ADAMTSL3: variants seen among roughly 807,000 people sequenced by gnomAD.
The protein encoded by ADAMTSL3 is ADAMTS like 3.
ADAMTSL3 carries 128 observed loss-of-function variants against 201.7 expected under a neutral mutation model. The ratio of observed to expected loss-of-function variants is 0.63; its 90% CI spans 0.55 to 0.73. The LOEUF (loss-of-function observed/expected upper bound fraction) is 0.73, where lower values mean the gene tolerates loss of function less well. Among genes scored for constraint, ADAMTSL3 ranks in the 30% least tolerant of loss-of-function variants. The pLI is 0.00. For missense variants in ADAMTSL3, 1,990 were observed against 2,119.6 expected, an observed-to-expected ratio of 0.94 and a Z score of 1.20; for synonymous variants, 738 against 748.4, an observed-to-expected ratio of 0.99 and a Z score of 0.23.
chr15:83,825,490 A>C lies in ADAMTSL3; in HGVS notation c.600+5443A>C, dbSNP rs770202844. Among the ~76,000 whole-genome samples, 8 of 152,066 alleles carry C rather than the reference A, an allele frequency of 5.3e-5. No homozygotes were observed. The South Asian group carries it at 6.2e-4, about 12-fold the overall frequency. On this transcript the variant is annotated intron_variant, in intron 6 of 29. Coordinates refer to ENST00000286744, the MANE Select transcript of ADAMTSL3 (RefSeq NM_207517.3). ...TAGCTGGGTGTGTTGGCGCAAGCCT[A>C]TGGTCCTAGCTACTTGCTACTCAGG...
intron 23 of ADAMTSL3, among the ~76,000 whole-genome samples, chr15:84,011,747 A>G (rs1211474756): frequency 6.6e-6 from 1 of 152,250 alleles, no homozygotes; most frequent in Non-Finnish European, 1.5e-5. Context: ...GTTCAGTAAG[A>G]TGACTAGAAA....
At chr15:83,971,329 G>A (rs889586477) in intron 20 of ADAMTSL3, among the ~76,000 whole-genome samples, 28 of 152,190 alleles carry the variant, frequency 1.8e-4, no homozygotes, top group African/African-American at 6.5e-4. Flanking sequence ...AGACTGAGGT[G>A]GGTGGATCAT....
intron 2 of ADAMTSL3, among the ~76,000 whole-genome samples, chr15:83,668,891 T>A (rs959609130): frequency 1.3e-5 from 2 of 152,184 alleles, no homozygotes; most frequent in Non-Finnish European, 1.5e-5. Context: ...TTTTTTTTCT[T>A]GGTAATGATA....
chr15:83,832,325 G>A (rs1323404980), intron 6 of ADAMTSL3, among the ~76,000 whole-genome samples: 1 of 152,130 alleles, frequency 6.6e-6, no homozygotes, highest in East Asian at 1.9e-4. Context: ...AGTTTCCAGG[G>A]TTTAAAGGGG....
rs36195565 is a variant in ADAMTSL3 at position 83,906,621 on chromosome 15, AC to A, written c.1701-6469del. Among the ~76,000 whole-genome samples the A allele has an allele frequency of 3.6e-3, 89 of 24,426 alleles. 5 individuals are homozygous for A. Among genetic ancestry groups the A allele is most frequent in the East Asian group, 0.016 (8 of 516 alleles). 16.0% of individuals were successfully genotyped at this position (24,426 alleles called of 152,430 possible). A position where few individuals can be genotyped will look rare whatever the true frequency, so the allele number is the denominator to read the frequency against. Reference sequence around the variant, plus strand: ...TCTATATATTTATATAGTGCCACACACCACACACACACACACACACACACAC... The same window carrying A: ...TCTATATATTTATATAGTGCCACACACACACACACACACACACACACACAC... On this transcript the variant is annotated intron_variant, in intron 15 of 29. Coordinates refer to ENST00000286744, the MANE Select transcript of ADAMTSL3 (RefSeq NM_207517.3).
chr15:84,021,126 C>T (rs1301107100), intron 25 of ADAMTSL3, among the ~76,000 whole-genome samples: 1 of 152,196 alleles, frequency 6.6e-6, no homozygotes, highest in Non-Finnish European at 1.5e-5. Context: ...AGTGCCTCCT[C>T]TCTCTCTGGG....
intron 21 of ADAMTSL3, among the ~76,000 whole-genome samples, chr15:83,985,244 T>G (rs2067453298): frequency 6.6e-6 from 1 of 151,862 alleles, no homozygotes; most frequent in Admixed American, 6.6e-5. Context: ...AAAAAAAAAG[T>G]CTTTAAGTTT....
intron 15 of ADAMTSL3, among the ~76,000 whole-genome samples, chr15:83,903,929 A>AG (rs1567226022): frequency 4.1e-5 from 1 of 24,240 alleles, no homozygotes; most frequent in African/African-American, 4.4e-4. Flanking sequence ...AAAAAAAAAA[A>AG]AAAAAAAAAA....
At chr15:83,985,694 G>A (rs2067462424) in intron 21 of ADAMTSL3, among the ~76,000 whole-genome samples, 1 of 151,924 alleles carries the variant, frequency 6.6e-6, no homozygotes, top group African/African-American at 2.4e-5. Context: ...GTGCAGTGGT[G>A]GCATCTCAGC....
At chr15:83,757,187 A>G (rs1357525697) in intron 3 of ADAMTSL3, among the ~76,000 whole-genome samples, 1 of 152,186 alleles carries the variant, frequency 6.6e-6, no homozygotes, top group Non-Finnish European at 1.5e-5. Flanking sequence ...CCCGCACCCC[A>G]AATTTCCCTT....
intron 3 of ADAMTSL3, among the ~76,000 whole-genome samples, chr15:83,759,229 ATT>A (rs57969361): frequency 2.1e-5 from 3 of 145,732 alleles, no homozygotes; most frequent in African/African-American, 2.5e-5. Flanking sequence ...TTTGAATGAC[ATT>A]TTTTTTTTTT....
intron 8 of ADAMTSL3, among the ~76,000 whole-genome samples, chr15:83,863,240 G>C (rs1451772513): frequency 1.3e-5 from 2 of 152,086 alleles, no homozygotes; most frequent in Non-Finnish European, 1.5e-5. Flanking sequence ...GGATATCCAG[G>C]AATTGAACTC....
chr15:83,705,493 G>A (rs559379088), intron 3 of ADAMTSL3, among the ~76,000 whole-genome samples: 2 of 152,196 alleles, frequency 1.3e-5, no homozygotes, highest in South Asian at 4.1e-4. Context: ...GAGAAATTCA[G>A]TCTGCCAACA....
intron 4 of ADAMTSL3, among the ~76,000 whole-genome samples, chr15:83,790,979 T>A (rs62025782): frequency 0.017 from 2,563 of 152,282 alleles, 40 homozygotes; most frequent in Middle Eastern, 0.034. Context: ...AATACTGCAA[T>A]GTGCTAATGA....
intron 6 of ADAMTSL3, among the ~76,000 whole-genome samples, chr15:83,822,942 C>T (rs1318504761): frequency 2.0e-5 from 3 of 152,194 alleles, no homozygotes; most frequent in South Asian, 2.1e-4. Flanking sequence ...TCTGCAATCC[C>T]GGCACCTCGG....
intron 28 of ADAMTSL3, among the ~76,000 whole-genome samples, chr15:84,034,290 G>T (rs1260490700): frequency 6.6e-6 from 1 of 152,012 alleles, no homozygotes; most frequent in Non-Finnish European, 1.5e-5. Flanking sequence ...GGGTGGACAG[G>T]GAGCAATGGA....
At chr15:83,828,298 G>A in intron 6 of ADAMTSL3, among the ~76,000 whole-genome samples, 1 of 152,158 alleles carries the variant, frequency 6.6e-6, no homozygotes, top group Non-Finnish European at 1.5e-5. Flanking sequence ...ATGGTGAATG[G>A]GAGTTCACTC....
At chr15:83,889,837 T>C (rs552981922) in intron 10 of ADAMTSL3, among the ~76,000 whole-genome samples, 58 of 152,324 alleles carry the variant, frequency 3.8e-4, no homozygotes, top group African/African-American at 1.1e-3. Flanking sequence ...CCACGCATTT[T>C]AGTCATCTGA....
chr15:83,762,261 G>T (rs1406147147), intron 3 of ADAMTSL3, among the ~76,000 whole-genome samples: 2 of 152,106 alleles, frequency 1.3e-5, no homozygotes, highest in Admixed American at 1.3e-4. Context: ...CTGAAATACT[G>T]CAAAGTTCAC....
Sources: gnomAD v4.1 joint callset for allele counts (sites outside exome capture counted in the v4.1 genomes callset) on GRCh38, gnomAD v4.1.1 for gene constraint, MANE v1.5 for transcripts, NCBI Gene and HGNC (gene_info 2026-07-23, HGNC 2026-07-21) for gene names.